PCDHA7: variants seen among roughly 807,000 people sequenced by gnomAD.
The protein encoded by PCDHA7 is protocadherin alpha-7.
Under a neutral mutation model 57.2 loss-of-function variants are expected in PCDHA7, and 37 were observed. The ratio of observed to expected loss-of-function variants is 0.65; its 90% CI spans 0.50 to 0.85. The LOEUF (loss-of-function observed/expected upper bound fraction) is 0.85, where lower values mean the gene tolerates loss of function less well. PCDHA7 is among the 40% of genes least tolerant of loss of function. The pLI is 0.00. For synonymous variants in PCDHA7, 553 were observed against 558.8 expected (o/e 0.99, Z 0.15); for missense variants, 1,188 against 1,241.8 (o/e 0.96, Z 0.65).
At chr5:140,976,080 A>G (rs1487401919) in intron 1 of PCDHA7, among the ~76,000 whole-genome samples, 1 of 152,226 alleles carries the variant, frequency 6.6e-6, no homozygotes, top group African/African-American at 2.4e-5. Flanking sequence ...TGTGTCAGAT[A>G]TATCAGTAGT....
intron 1 of PCDHA7, chr5:140,967,692 G>C (rs781940460): frequency 6.2e-7 from 1 of 1,614,196 alleles, no homozygotes; most frequent in Admixed American, 1.7e-5. Flanking sequence ...CAGCTCTTCA[G>C]CATAGATGCC....
chr5:140,869,973 C>G, intron 1 of PCDHA7: 2 of 1,613,100 alleles, frequency 1.2e-6, no homozygotes, highest in African/African-American at 1.3e-5. Flanking sequence ...ATGGAAGACA[C>G]TTATTTACAC....
intron 1 of PCDHA7, chr5:140,966,455 C>T (rs376758355): frequency 4.7e-6 from 2 of 426,810 alleles, no homozygotes; most frequent in East Asian, 3.5e-5. Flanking sequence ...CCCCCTCCCC[C>T]TCTGTCTTCC....
chr5:140,967,959 G>A lies in PCDHA7; in HGVS notation c.2356-10990G>A, dbSNP rs782716187. ...AATGACCAAGACTCAGGCCCCAACC[G>A]GAAAGTGAGCCTGGGTCTGGAGGCC... On this transcript the variant is annotated intron_variant, in intron 1 of 3. Transcript: ENST00000525929. The A allele has an allele frequency of 1.5e-5, 25 of 1,614,046 alleles. No individual in the cohort carries two copies. Among genetic ancestry groups the A allele is most frequent in the Non-Finnish European group, 1.9e-5 (23 of 1,180,058 alleles).
At chr5:140,994,288 C>G (rs2097610720) in intron 3 of PCDHA7, among the ~76,000 whole-genome samples, 4 of 152,150 alleles carry the variant, frequency 2.6e-5, no homozygotes, top group Admixed American at 6.5e-5. Flanking sequence ...TGAGACAGTC[C>G]CCAGATTGTT....
In PCDHA7 at chr5:140,961,349, T is replaced by C. The variant is rs1352312577; in HGVS notation, c.2356-17600T>C. Among the ~76,000 whole-genome samples the C allele has an allele frequency of 2.0e-5, 3 of 152,204 alleles. No individual in the cohort carries two copies. The East Asian group carries it at 5.8e-4, about 29-fold the overall frequency. On this transcript the variant is annotated intron_variant, in intron 1 of 3. Coordinates refer to ENST00000525929, the MANE Select transcript of PCDHA7 (RefSeq NM_018910.3). Reference sequence around the variant, plus strand: ...TTGAGAGACCAAGAGTGGATCCCTGTAGTCCCCATTAGAATTCTCCTTCTA... The same window carrying C: ...TTGAGAGACCAAGAGTGGATCCCTGCAGTCCCCATTAGAATTCTCCTTCTA...
intron 1 of PCDHA7, chr5:140,848,954 A>G (rs2150426355): frequency 1.4e-5 from 23 of 1,606,754 alleles, no homozygotes; most frequent in Admixed American, 5.1e-5. Flanking sequence ...CTCGGTTTCC[A>G]CTAGAGGGCG....
At chr5:140,982,054 G>T (rs565307071) in intron 2 of PCDHA7, among the ~76,000 whole-genome samples, 1 of 152,322 alleles carries the variant, frequency 6.6e-6, no homozygotes, top group East Asian at 1.9e-4. Context: ...AAATATTTTA[G>T]TGTGTTTTCT....
chr5:140,881,757 A>G (rs1238055344), intron 1 of PCDHA7, among the ~76,000 whole-genome samples: 1 of 152,166 alleles, frequency 6.6e-6, no homozygotes, highest in Non-Finnish European at 1.5e-5. Flanking sequence ...TACCACAAAA[A>G]CCTACATGAC....
intron 1 of PCDHA7, chr5:140,926,342 G>T (rs1238404747): frequency 6.6e-6 from 1 of 152,270 alleles, no homozygotes; most frequent in Admixed American, 6.5e-5. Flanking sequence ...GCCGGGACCC[G>T]ACGCGCGGCT....
chr5:141,002,234 C>G (rs2098067276), intron 3 of PCDHA7, among the ~76,000 whole-genome samples: 1 of 152,210 alleles, frequency 6.6e-6, no homozygotes, highest in Non-Finnish European at 1.5e-5. Context: ...TTTCTGGAAG[C>G]TCTTTATTAA....
At position 140,929,035 on chromosome 5, in the gene PCDHA7, G is replaced by T. The variant is rs6877058; in HGVS notation, c.2356-49914G>T. 2.5e-3 allele frequency: 4,027 copies of T among 1,614,128 alleles called. 64 individuals are homozygous for T. In the African/African-American group the frequency reaches 0.039, roughly 15 times the overall value. On this transcript the variant is annotated intron_variant, in intron 1 of 3. Coordinates refer to ENST00000525929, the MANE Select transcript of PCDHA7 (RefSeq NM_018910.3). The stretch of plus-strand genomic sequence containing the variant: ...GTTGCACCAGAGCCCAGGCTGTTGC[G>T]CTCAGAGCTGCTGTCGCTCTACAGA...
chr5:140,995,265 G>A (rs1293855932), intron 3 of PCDHA7, among the ~76,000 whole-genome samples: 1 of 152,102 alleles, frequency 6.6e-6, no homozygotes, highest in African/African-American at 2.4e-5. Context: ...TTGAATACAA[G>A]CCCTTTGATA....
At chr5:140,888,959 A>G (rs1554183707) in intron 1 of PCDHA7, among the ~76,000 whole-genome samples, 1 of 152,024 alleles carries the variant, frequency 6.6e-6, no homozygotes, top group African/African-American at 2.4e-5. Flanking sequence ...TTCTTTGGCA[A>G]TGTTAATGTG....
At chr5:140,966,709 G>T in intron 1 of PCDHA7, 2 of 1,387,174 alleles carry the variant, frequency 1.4e-6, no homozygotes, top group Non-Finnish European at 1.9e-6. Flanking sequence ...CGTGGGGCAC[G>T]GCTGGGGAAG....
rs545282445 is a variant in PCDHA7 at position 140,862,074 on chromosome 5, A to G, written c.2355+25336A>G. On this transcript the variant is annotated intron_variant, in intron 1 of 3. Transcript: ENST00000525929. The stretch of plus-strand genomic sequence containing the variant: ...TTTCTTTGCAACTGATGTCTCCCCT[A>G]ACATAGAAGCCCTTTTTCGCATAGA... 8.3e-5 allele frequency: 13 copies of G among 157,080 alleles called. No homozygotes were observed. The South Asian group carries it at 2.1e-3, about 26-fold the overall frequency. 9.7% of individuals were successfully genotyped at this position (157,080 alleles called of 1,614,324 possible).
Position 141,010,271 on chromosome 5 carries a change from C to T in PCDHA7, c.*334C>T, listed in dbSNP as rs1031489236. The T allele has an allele frequency of 5.5e-5, 85 of 1,551,586 alleles. No individual in the cohort carries two copies. The highest frequency in any genetic ancestry group is 7.2e-5 in the Non-Finnish European group (83 of 1,146,992). On this transcript the variant is annotated 3_prime_UTR_variant, in exon 4 of 4. Coordinates refer to ENST00000525929, the MANE Select transcript of PCDHA7 (RefSeq NM_018910.3). ...CTCTCTGCCCTGTGCTCCGGGGATCCTGTCTTGATGACACTTGCAGGGCAG... is the reference window on the plus strand; with the variant it reads ...CTCTCTGCCCTGTGCTCCGGGGATCTTGTCTTGATGACACTTGCAGGGCAG...
intron 1 of PCDHA7, chr5:140,870,101 G>C (rs1345689033): frequency 3.1e-6 from 5 of 1,613,914 alleles, no homozygotes; most frequent in Non-Finnish European, 4.2e-6. Context: ...GCAGGTCACT[G>C]TACAGTCTGG....
At chr5:140,968,995 A>G in intron 1 of PCDHA7, 2 of 1,614,200 alleles carry the variant, frequency 1.2e-6, no homozygotes, top group Non-Finnish European at 1.7e-6. Flanking sequence ...CATGCTGTGG[A>G]GGCTTCTGTG....
Sources: gnomAD v4.1 joint callset for allele counts (sites outside exome capture counted in the v4.1 genomes callset) on GRCh38, gnomAD v4.1.1 for gene constraint, MANE v1.5 for transcripts, NCBI Gene and HGNC (gene_info 2026-07-23, HGNC 2026-07-21) for gene names.